HERC1: variants seen among roughly 807,000 people sequenced by gnomAD.
HERC1 encodes probable E3 ubiquitin-protein ligase HERC1.
In HERC1, 160 loss-of-function variants were observed where a neutral mutation model predicts 554.3. The ratio of observed to expected loss-of-function variants is 0.29; its 90% confidence interval spans 0.25 to 0.33. The LOEUF (loss-of-function observed/expected upper bound fraction) is 0.33. Among genes scored for constraint, HERC1 ranks in the 10% least tolerant of loss-of-function variants. HERC1 has a pLI of 1.00. For synonymous variants in HERC1, 2,175 were observed against 2,131.7 expected, an observed-to-expected ratio of 1.02 and a Z score of -0.56; for missense variants, 4,919 against 5,918.5, an observed-to-expected ratio of 0.83 and a Z score of 5.54.
chr15:63,674,324 A>AC lies in HERC1; in HGVS notation c.7846+17_7846+18insG, dbSNP rs776676502. The AC allele has an allele frequency of 1.3e-6, 2 of 1,553,282 alleles. No individual in the cohort carries two copies. Among genetic ancestry groups the AC allele is most frequent in the East Asian group, 4.5e-5 (2 of 44,190 alleles). ...TCAACAGCACAAAAGCAAAAAAAAA[A>AC]AAAATCAGATAACATACCTTGCTTA... On this transcript the variant is annotated intron_variant, in intron 38 of 77. Transcript: ENST00000443617.
intron 1 of HERC1, among the ~76,000 whole-genome samples, chr15:63,796,611 C>T (rs1567136899): frequency 6.6e-6 from 1 of 152,032 alleles, no homozygotes; most frequent in Non-Finnish European, 1.5e-5. Flanking sequence ...TGACATGTAC[C>T]CAAGGTGGTC....
chr15:63,796,632 T>C (rs941242177), intron 1 of HERC1, among the ~76,000 whole-genome samples: 1 of 152,210 alleles, frequency 6.6e-6, no homozygotes, highest in Non-Finnish European at 1.5e-5. Flanking sequence ...AGGGACAGCT[T>C]GATTTTATAC....
chr15:63,637,721 C>A, intron 63 of HERC1, 78 bp from the exon 64 acceptor site: 6 of 1,162,354 alleles, frequency 5.2e-6, no homozygotes, highest in South Asian at 1.6e-5. Context: ...AATGATTCCA[C>A]GTATACATAG....
At chr15:63,728,265 G>A (rs2074116360) in intron 16 of HERC1, among the ~76,000 whole-genome samples, 1 of 152,198 alleles carries the variant, frequency 6.6e-6, no homozygotes, top group Non-Finnish European at 1.5e-5. Context: ...TTACCTGCTA[G>A]TGAGGGAATG....
chr15:63,705,708 A>G (rs2072966334), intron 25 of HERC1, among the ~76,000 whole-genome samples: 1 of 152,084 alleles, frequency 6.6e-6, no homozygotes, highest in South Asian at 2.1e-4. Context: ...CATTTTCACA[A>G]CCACTTAATA....
Position 63,696,199 on chromosome 15 carries a change from T to C in HERC1, c.5046A>G (p.Leu1682=). 3 of 1,613,648 alleles carry C rather than the reference T, an allele frequency of 1.9e-6. No individual in the cohort carries two copies. Among genetic ancestry groups the C allele is most frequent in the Admixed American group, 3.3e-5 (2 of 59,988 alleles). Residue 1682 remains leucine (L), a synonymous_variant, in exon 27 of 78, where the codon CTA becomes CTG. Transcript: ENST00000443617. ...TLLTSVRLQF[L]AGCFGLGTVG... is the part of the protein sequence containing the mutation. ...CAGTGCCTAAACCAAAACACCCTGC[T>C]AGGAACTGCAGCCTCACAGACGTGA...
chr15:63,694,173 G>T lies in HERC1; in HGVS notation c.5481-16C>A. The T allele has an allele frequency of 6.3e-7, 1 of 1,578,572 alleles. No homozygotes were observed. Among genetic ancestry groups the T allele is most frequent in the Non-Finnish European group, 8.6e-7 (1 of 1,163,390 alleles). Reference sequence around the variant, plus strand: ...AGCATAGGTCCTATGTGAAATAAAAGAAAAAAATAAGTGGCAAACACACAG... The same window carrying T: ...AGCATAGGTCCTATGTGAAATAAAATAAAAAAATAAGTGGCAAACACACAG... On this transcript the variant is annotated splice_polypyrimidine_tract_variant and intron_variant, in intron 29 of 77. Coordinates refer to ENST00000443617, the MANE Select transcript of HERC1 (RefSeq NM_003922.4). The surrounding 1 kb of genome is among the most constrained non-coding windows in gnomAD (Gnocchi z 4.3).
At chr15:63,760,916 C>T (rs2075590035) in intron 3 of HERC1, among the ~76,000 whole-genome samples, 1 of 151,942 alleles carries the variant, frequency 6.6e-6, no homozygotes, top group Admixed American at 6.6e-5. Context: ...AAAAAAAAAT[C>T]CTTTGGGCTT....
At chr15:63,675,394 G>C (rs2071145506) in intron 37 of HERC1, among the ~76,000 whole-genome samples, 2 of 152,172 alleles carry the variant, frequency 1.3e-5, no homozygotes, top group Middle Eastern at 3.4e-3. Flanking sequence ...TTTCTGTAAG[G>C]GGCCAGACAG....
chr15:63,625,078 C>G (rs1241147386), intron 71 of HERC1, among the ~76,000 whole-genome samples: 1 of 152,156 alleles, frequency 6.6e-6, no homozygotes, highest in Admixed American at 6.6e-5. Flanking sequence ...GCACAGGACT[C>G]TGCTGCCTAT....
chr15:63,826,939 C>G (rs1008603054), intron 1 of HERC1, among the ~76,000 whole-genome samples: 3 of 149,342 alleles, frequency 2.0e-5, no homozygotes, highest in Non-Finnish European at 4.4e-5. Flanking sequence ...TTGGGAATAT[C>G]TAACAAAACT....
chr15:63,827,127 G>C (rs1596338079), intron 1 of HERC1, among the ~76,000 whole-genome samples: 1 of 152,028 alleles, frequency 6.6e-6, no homozygotes, highest in Non-Finnish European at 1.5e-5. Context: ...TCAAGTCACA[G>C]CTGTAAAAAA....
chr15:63,777,560 C>T (rs1445014241), intron 1 of HERC1, among the ~76,000 whole-genome samples: 1 of 152,134 alleles, frequency 6.6e-6, no homozygotes, highest in Non-Finnish European at 1.5e-5. Context: ...TCTGGATATG[C>T]TCTTCTGGGA....
chr15:63,683,019 T>C (rs12916912), intron 34 of HERC1, among the ~76,000 whole-genome samples: 123,278 of 151,348 alleles, frequency 0.81, 52,035 homozygotes, highest in Non-Finnish European at 0.88. Context: ...GCCTCCAGTC[T>C]CACCTATTCG....
chr15:63,820,298 T>C (rs1211048579), intron 1 of HERC1, among the ~76,000 whole-genome samples: 2 of 152,194 alleles, frequency 1.3e-5, no homozygotes, highest in Non-Finnish European at 2.9e-5. Flanking sequence ...TCCAAAAGAA[T>C]GAGCAAATTT....
chr15:63,734,669 C>A lies in HERC1; in HGVS notation c.2646+55G>T. On this transcript the variant is annotated intron_variant, in intron 13 of 77. Coordinates refer to ENST00000443617, the MANE Select transcript of HERC1 (RefSeq NM_003922.4). The surrounding 1 kb of genome is among the most constrained non-coding windows in gnomAD (Gnocchi z 4.6). ...CAATTTATTAGTTTTATTTCCTTCT[C>A]AGTCCAAATTTTTAGGATACTACTG... The A allele has an allele frequency of 6.9e-7, 1 of 1,443,608 alleles. No individual in the cohort carries two copies. The highest frequency in any genetic ancestry group is 2.6e-5 in the Admixed American group (1 of 38,222). The allele number at this position is 1,443,608 out of a possible 1,614,324, so 89.4% of individuals were successfully genotyped here.
In HERC1 at chr15:63,612,491, T is replaced by A; in HGVS notation, c.14160A>T (p.Ala4720=). 1.9e-6 allele frequency: 3 copies of A among 1,614,036 alleles called. No homozygotes were observed. Among genetic ancestry groups the A allele is most frequent in the Non-Finnish European group, 2.5e-6 (3 of 1,179,896 alleles). ...CACACACCATCTGCTCCAGTTGTTT[T>A]GCTGTGAGGAGGGACAGCAGCGGCA... ...VPVPLLSLLT[A]KQLEQMVCGM... is the part of the protein sequence containing the mutation. The change falls in exon 77 of 78, where the codon GCA becomes GCT. Residue 4720 remains alanine, a synonymous_variant. Transcript: ENST00000443617. The surrounding 1 kb of genome is among the most constrained non-coding windows in gnomAD (Gnocchi z 5.0).
At chr15:63,804,252 T>A (rs1331889322) in intron 1 of HERC1, among the ~76,000 whole-genome samples, 2 of 152,194 alleles carry the variant, frequency 1.3e-5, no homozygotes, top group Non-Finnish European at 2.9e-5. Flanking sequence ...AATAAATTGA[T>A]AAGCTAGACC....
In HERC1 at chr15:63,612,259, C is replaced by A; in HGVS notation, c.14392G>T (p.Val4798Phe). ...AAGAATAGCTTACTTACCCTATCAA[C>A]CTTCATGATTTGAAATCTCTGAGAA... is the stretch of plus-strand genomic sequence containing the variant. ...DISQRFQIMK[V>F]DRPYDSLPTS... Residue 4798 changes from valine (V) to phenylalanine (F), a missense_variant, in exon 77 of 78, where the codon GTT (valine) becomes TTT (phenylalanine). By Grantham distance (50) the Val-to-Phe change is conservative. Around this residue, in one of 11 missense-constraint regions of HERC1, gnomAD observed 71 missense variants for 101.4 expected, o/e 0.70. Transcript: ENST00000443617. The surrounding 1 kb of genome is among the most constrained non-coding windows in gnomAD (Gnocchi z 5.0). 1.9e-6 allele frequency: 3 copies of A among 1,607,170 alleles called. No homozygotes were observed. The highest frequency in any genetic ancestry group is 2.6e-6 in the Non-Finnish European group (3 of 1,174,776).
Sources: gnomAD v4.1 joint callset for allele counts (sites outside exome capture counted in the v4.1 genomes callset) on GRCh38, gnomAD v4.1.1 for gene constraint, gnomAD v4.1.1 regional missense constraint, Gnocchi (gnomAD v3.1) non-coding constraint, MANE v1.5 for transcripts, NCBI Gene and HGNC (gene_info 2026-07-23, HGNC 2026-07-21) for gene names.